HCRTR2: variants seen among roughly 807,000 people sequenced by gnomAD.
HCRTR2 encodes the protein orexin receptor type 2.
Under a neutral mutation model 49.0 loss-of-function variants are expected in HCRTR2, and 22 were observed. That is an observed-to-expected ratio of 0.45 (90% CI 0.32 to 0.64). The LOEUF (loss-of-function observed/expected upper bound fraction) is 0.64, where lower values mean the gene tolerates loss of function less well. HCRTR2 is among the 30% of genes least tolerant of loss of function. The pLI is 0.04. For synonymous variants in HCRTR2, 236 were observed against 205.3 expected (o/e 1.15, Z -1.28); for missense variants, 491 against 559.4 (o/e 0.88, Z 1.23).
intron 6 of HCRTR2, 93 bp downstream of exon 6, chr6:55,280,537 T>C (rs1271665310): frequency 2.3e-5 from 36 of 1,549,590 alleles, no homozygotes; most frequent in Non-Finnish European, 3.1e-5. Flanking sequence ...GTTTAGTTGC[T>C]ATGTGAGTTG....
At chr6:55,121,176 A>G (rs1343280770) in intron 1 of HCRTR2, among the ~76,000 whole-genome samples, 2 of 152,022 alleles carry the variant, frequency 1.3e-5, no homozygotes, top group South Asian at 2.1e-4. Context: ...GTTCTCCTTG[A>G]AGAGGTCCTT....
At chr6:55,215,306 C>T (rs2127293579) in intron 1 of HCRTR2, among the ~76,000 whole-genome samples, 1 of 151,980 alleles carries the variant, frequency 6.6e-6, no homozygotes. Flanking sequence ...AAAAAGTCTG[C>T]CAACAAAAAA....
chr6:55,107,391 C>A (rs1158627257), intron 1 of HCRTR2, among the ~76,000 whole-genome samples: 2 of 151,986 alleles, frequency 1.3e-5, no homozygotes, highest in African/African-American at 2.4e-5. Flanking sequence ...AGAGATAATC[C>A]ATACATTTAT....
chr6:55,276,188 G>A (rs1767073684), intron 4 of HCRTR2, among the ~76,000 whole-genome samples: 1 of 152,184 alleles, frequency 6.6e-6, no homozygotes, highest in Non-Finnish European at 1.5e-5. Flanking sequence ...TACATGACAA[G>A]ACATACAGAG....
At chr6:55,191,008 A>G (rs1765306112) in intron 1 of HCRTR2, among the ~76,000 whole-genome samples, 1 of 152,222 alleles carries the variant, frequency 6.6e-6, no homozygotes, top group African/African-American at 2.4e-5. Context: ...ATGAAGAGCT[A>G]TCAGAGGGGA....
In HCRTR2 at chr6:55,123,184, G is replaced by A. The variant is rs558924616; in HGVS notation, c.-378+16639G>A. Among the ~76,000 whole-genome samples, 252 of 152,002 alleles carry A rather than the reference G, an allele frequency of 1.7e-3. 1 individual carries two copies. Among genetic ancestry groups the A allele is most frequent in the Middle Eastern group, 0.01 (3 of 292 alleles). On this transcript the variant is annotated intron_variant, in intron 1 of 7. Transcript: ENST00000615358. The stretch of plus-strand genomic sequence containing the variant: ...AAAGTTAAAAAAAGGAGTGGTGAGA[G>A]AGGGCATCCTTATCTTGTGCTGGTT...
intron 1 of HCRTR2, among the ~76,000 whole-genome samples, chr6:55,120,627 G>C (rs915000954): frequency 6.6e-6 from 1 of 150,864 alleles, no homozygotes; most frequent in East Asian, 1.9e-4. Context: ...TCCTGAAGTT[G>C]CTTATCAGCT....
intron 1 of HCRTR2, among the ~76,000 whole-genome samples, chr6:55,211,114 G>A (rs1166375567): frequency 6.6e-6 from 1 of 152,082 alleles, no homozygotes; most frequent in Non-Finnish European, 1.5e-5. Context: ...ATACCCTATA[G>A]CCTAGGTGTG....
At position 55,180,714 on chromosome 6, in the gene HCRTR2, T is replaced by G. The variant is rs549100869; in HGVS notation, c.223+5904T>G. 2.6e-5 allele frequency among the ~76,000 whole-genome samples: 4 copies of G among 152,208 alleles called. No individual in the cohort carries two copies. In the South Asian group the frequency reaches 8.3e-4, roughly 32 times the overall value. ...ACATAATCTACAGATATTTGTTTAT[T>G]TTTCTTTTTGTCATGCATTGCCAAA... On this transcript the variant is annotated intron_variant, in intron 1 of 6. Transcript: ENST00000370862.
intron 1 of HCRTR2, among the ~76,000 whole-genome samples, chr6:55,245,503 A>ATATATATATATATATATC (rs1402605395): frequency 7.2e-5 from 9 of 124,524 alleles, no homozygotes; most frequent in Non-Finnish European, 1.3e-4. Context: ...ATATATATAT[A>ATATATATATATATATATC]TATCTTCCCC....
intron 1 of HCRTR2, among the ~76,000 whole-genome samples, chr6:55,229,902 C>T (rs921421693): frequency 3.3e-5 from 5 of 152,144 alleles, no homozygotes; most frequent in Non-Finnish European, 7.3e-5. Flanking sequence ...GCTCTTTTCA[C>T]AATGAAAGTA....
At chr6:55,247,628 A>G (rs989563950) in intron 1 of HCRTR2, among the ~76,000 whole-genome samples, 2 of 152,086 alleles carry the variant, frequency 1.3e-5, no homozygotes, top group Admixed American at 6.6e-5. Flanking sequence ...GTACACCTAT[A>G]TAATTCCAGA....
intron 1 of HCRTR2, among the ~76,000 whole-genome samples, chr6:55,137,847 G>A (rs1229074496): frequency 6.6e-6 from 1 of 152,156 alleles, no homozygotes; most frequent in African/African-American, 2.4e-5. Flanking sequence ...TACCTTAGTT[G>A]TTATTGGAAA....
chr6:55,279,159 A>G (rs1056933569), intron 5 of HCRTR2, among the ~76,000 whole-genome samples: 1 of 152,108 alleles, frequency 6.6e-6, no homozygotes, highest in African/African-American at 2.4e-5. Context: ...TTTGAAAAAA[A>G]GAACTTGAAA....
intron 3 of HCRTR2, among the ~76,000 whole-genome samples, chr6:55,256,071 T>C (rs1766647188): frequency 6.6e-6 from 1 of 152,126 alleles, no homozygotes; most frequent in African/African-American, 2.4e-5. Context: ...CAGTCTGAGG[T>C]TTTTGTGTAA....
chr6:55,192,261 A>G (rs145216388), intron 1 of HCRTR2, among the ~76,000 whole-genome samples: 7 of 152,256 alleles, frequency 4.6e-5, no homozygotes, highest in African/African-American at 1.7e-4. Context: ...TTTGCTAAGA[A>G]AGTAATTATT....
intron 1 of HCRTR2, among the ~76,000 whole-genome samples, chr6:55,182,139 C>T (rs1765144013): frequency 6.6e-6 from 1 of 152,204 alleles, no homozygotes; most frequent in African/African-American, 2.4e-5. Context: ...TCCAATGACT[C>T]ACAGTTCAGG....
rs201178077 is a variant in HCRTR2 at position 55,278,727 on chromosome 6, A to AATTATTATT, written c.983+1149_983+1157dup. Among the ~76,000 whole-genome samples the AATTATTATT allele has an allele frequency of 1.5e-3, 210 of 144,680 alleles. 1 individual carries two copies. Among genetic ancestry groups the AATTATTATT allele is most frequent in the South Asian group, 5.2e-3 (24 of 4,602 alleles). 94.9% of individuals were successfully genotyped at this position (144,680 alleles called of 152,430 possible). A position where few individuals can be genotyped will look rare whatever the true frequency, so the allele number is the denominator to read the frequency against. On this transcript the variant is annotated intron_variant, in intron 5 of 6. Coordinates refer to ENST00000370862, the MANE Select transcript of HCRTR2 (RefSeq NM_001384272.1). ...ATCTTTTTGTGCTTTGCTTCTTATTAATTATTATTATTATTATTATTATTA... is the reference window on the plus strand; with the variant it reads ...ATCTTTTTGTGCTTTGCTTCTTATTAATTATTATTATTATTATTATTATTATTATTATTA...
At chr6:55,274,220 C>A (rs1767029668) in intron 4 of HCRTR2, among the ~76,000 whole-genome samples, 1 of 96,580 alleles carries the variant, frequency 1.0e-5, no homozygotes, top group African/African-American at 3.9e-5. Flanking sequence ...TATCTCTCTG[C>A]AATGTTTCAT....
Sources: allele counts gnomAD v4.1 joint callset (sites outside exome capture counted in the v4.1 genomes callset), GRCh38; gene constraint gnomAD v4.1.1; transcripts MANE v1.5; gene names NCBI Gene and HGNC (gene_info 2026-07-23, HGNC 2026-07-21).